KDM2B: variants seen among roughly 807,000 people sequenced by gnomAD.
KDM2B encodes the protein lysine demethylase 2B.
Under a neutral mutation model 150.0 loss-of-function variants are expected in KDM2B, and 26 were observed. The observed-to-expected ratio is 0.17, with a 90% CI of 0.13 to 0.24. KDM2B has a LOEUF of 0.24. Ranked by LOEUF, KDM2B falls within the 10% of genes least tolerant of loss-of-function variation. The pLI is 1.00. For synonymous variants in KDM2B, 734 were observed against 729.5 expected, an observed-to-expected ratio of 1.01 and a Z score of -0.10; for missense variants, 1,265 against 1,816.9, an observed-to-expected ratio of 0.70 and a Z score of 5.52.
At chr12:121,441,339 TAA>T in intron 19 of KDM2B, 106 bp from the exon 20 acceptor site, 3 of 1,107,710 alleles carry the variant, frequency 2.7e-6, no homozygotes, top group Non-Finnish European at 3.9e-6. Context: ...GGAGGCTCCT[TAA>T]CTCAGCGCTC....
intron 12 of KDM2B, among the ~76,000 whole-genome samples, chr12:121,457,134 A>C (rs566799264): frequency 6.6e-6 from 1 of 152,330 alleles, no homozygotes; most frequent in East Asian, 1.9e-4. Flanking sequence ...AGTGACACAA[A>C]AAGGGACAAA....
intron 13 of KDM2B, among the ~76,000 whole-genome samples, chr12:121,446,057 C>T (rs1023036400): frequency 6.6e-6 from 1 of 152,218 alleles, no homozygotes; most frequent in African/African-American, 2.4e-5. Flanking sequence ...GCAAGGCCCC[C>T]AGCTCACCAG....
At chr12:121,503,495 T>A (rs1884779597) in intron 11 of KDM2B, among the ~76,000 whole-genome samples, 1 of 152,012 alleles carries the variant, frequency 6.6e-6, no homozygotes, top group Non-Finnish European at 1.5e-5. Flanking sequence ...TTTGTTTTTG[T>A]AGACTGGGGT....
At chr12:121,499,823 G>A (rs1331743746) in intron 11 of KDM2B, among the ~76,000 whole-genome samples, 4 of 151,898 alleles carry the variant, frequency 2.6e-5, no homozygotes, top group Non-Finnish European at 5.9e-5. Flanking sequence ...GGTGGCACGC[G>A]TCTGTGGTCT....
At chr12:121,428,152 G>A, downstream of KDM2B, among the ~76,000 whole-genome samples, 1 of 152,052 alleles carries the variant, frequency 6.6e-6, no homozygotes. Context: ...AGTCAACAAG[G>A]GTCTGTGGAT....
chr12:121,554,193 G>A (rs1432479402), intron 4 of KDM2B, among the ~76,000 whole-genome samples: 3 of 151,662 alleles, frequency 2.0e-5, no homozygotes, highest in African/African-American at 7.3e-5. Flanking sequence ...AGCCATGATC[G>A]TGCCACTGCA....
intron 12 of KDM2B, among the ~76,000 whole-genome samples, chr12:121,485,519 T>C (rs1218610388): frequency 2.0e-5 from 3 of 152,106 alleles, no homozygotes; most frequent in African/African-American, 4.8e-5. Flanking sequence ...TCCACTGTTA[T>C]GAGACCTTCA....
chr12:121,555,060 C>A (rs1256753779), intron 4 of KDM2B, among the ~76,000 whole-genome samples: 1 of 152,128 alleles, frequency 6.6e-6, no homozygotes, highest in African/African-American at 2.4e-5. Context: ...TTGGCAGACA[C>A]CAGTATTCCC....
At chr12:121,440,388 G>A in intron 21 of KDM2B, 1 of 453,312 alleles carries the variant, frequency 2.2e-6, no homozygotes, top group Non-Finnish European at 4.1e-6. Context: ...GAGAAGCACG[G>A]ACCTAGGCAG....
the KDM2B span, among the ~76,000 whole-genome samples, chr12:121,415,606 CCT>C: frequency 6.6e-5 from 10 of 151,992 alleles, no homozygotes; most frequent in African/African-American, 1.9e-4. Flanking sequence ...ACAATGAGAC[CCT>C]GTTTTTAAAT....
At chr12:121,440,728 G>T in intron 21 of KDM2B, 88 bp downstream of exon 21, 1 of 1,277,774 alleles carries the variant, frequency 7.8e-7, no homozygotes, top group Non-Finnish European at 1.1e-6. Context: ...GTCCTTTGGG[G>T]AACAGCTGGG....
intron 6 of KDM2B, among the ~76,000 whole-genome samples, chr12:121,542,196 A>C (rs983468792): frequency 6.6e-6 from 1 of 152,244 alleles, no homozygotes; most frequent in East Asian, 1.9e-4. Context: ...AAGCAGACCT[A>C]TGGAGAGCTA....
At chr12:121,477,486 G>C (rs1439189035) in intron 12 of KDM2B, among the ~76,000 whole-genome samples, 1 of 151,728 alleles carries the variant, frequency 6.6e-6, no homozygotes, top group Non-Finnish European at 1.5e-5. Flanking sequence ...TGAGCTCAAG[G>C]GATCCTCCCT....
At chr12:121,433,232 T>TC (rs782156578) in intron 22 of KDM2B, 18 of 456,512 alleles carry the variant, frequency 3.9e-5, no homozygotes, top group Non-Finnish European at 6.6e-5. Context: ...CTTTCTTTGG[T>TC]CCCTCTGTGC....
chr12:121,576,409 CTG>C (rs1660153439), intron 2 of KDM2B, among the ~76,000 whole-genome samples: 1 of 152,274 alleles, frequency 6.6e-6, no homozygotes, highest in South Asian at 2.1e-4. Flanking sequence ...TCCCTGGAAA[CTG>C]TGTATTTGGT....
At chr12:121,550,002 C>A (rs1215508752) in intron 4 of KDM2B, among the ~76,000 whole-genome samples, 3 of 152,104 alleles carry the variant, frequency 2.0e-5, no homozygotes, top group Non-Finnish European at 4.4e-5. Flanking sequence ...ATGGTGAAAC[C>A]CTGTATCTAC....
At chr12:121,440,670 C>A (rs940622333) in intron 21 of KDM2B, 146 bp downstream of exon 21, 6 of 793,722 alleles carry the variant, frequency 7.6e-6, no homozygotes, top group Non-Finnish European at 1.2e-5. Flanking sequence ...CAGATCCCCT[C>A]TGTGCCTGAA....
chr12:121,535,225 C>G (rs1458863015), intron 6 of KDM2B, among the ~76,000 whole-genome samples: 1 of 151,108 alleles, frequency 6.6e-6, no homozygotes, highest in African/African-American at 2.4e-5. Flanking sequence ...AAAAAAAAAC[C>G]CACACACACA....
Position 121,443,667 on chromosome 12 carries a change from G to A in KDM2B, c.2565+13C>T, listed in dbSNP as rs373917749. 4.0e-5 allele frequency: 62 copies of A among 1,563,922 alleles called. No individual in the cohort carries two copies. In the African/African-American group the frequency reaches 5.0e-4, roughly 13 times the overall value. On this transcript the variant is annotated intron_variant, in intron 17 of 22. Coordinates refer to ENST00000377071, the MANE Select transcript of KDM2B (RefSeq NM_032590.5). The stretch of plus-strand genomic sequence containing the variant: ...TCCCCGGGGCCTCAGGAGGGCGTGC[G>A]TCGTGGGAGCACCTGCTGCTGGAAG...
Sources: allele counts gnomAD v4.1 joint callset (sites outside exome capture counted in the v4.1 genomes callset), GRCh38; gene constraint gnomAD v4.1.1; transcripts MANE v1.5; gene names NCBI Gene and HGNC (gene_info 2026-07-23, HGNC 2026-07-21).